TATDN2: variants seen among roughly 807,000 people sequenced by gnomAD.
The protein encoded by TATDN2 is TatD DNase domain containing 2.
Under a neutral mutation model 60.3 loss-of-function variants are expected in TATDN2, and 44 were observed. The ratio of observed to expected loss-of-function variants is 0.73; its 90% CI spans 0.57 to 0.94. The LOEUF (loss-of-function observed/expected upper bound fraction) is 0.94, where lower values mean the gene tolerates loss of function less well. Among genes scored for constraint, TATDN2 ranks in the 40% least tolerant of loss-of-function variants. The pLI is 0.00. For synonymous variants in TATDN2, 399 were observed against 355.8 expected, an observed-to-expected ratio of 1.12 and a Z score of -1.37; for missense variants, 997 against 948.0, an observed-to-expected ratio of 1.05 and a Z score of -0.68.
intron 5 of TATDN2, among the ~76,000 whole-genome samples, chr3:10,277,452 C>T (rs1698655464): frequency 6.6e-6 from 1 of 152,114 alleles, no homozygotes; most frequent in Non-Finnish European, 1.5e-5. Context: ...TTATCATAGC[C>T]CAGCCAGAAG....
intron 5 of TATDN2, 27 bp downstream of exon 5, chr3:10,276,515 A>T (rs375218472): frequency 2.1e-4 from 335 of 1,610,030 alleles, no homozygotes; most frequent in Non-Finnish European, 2.8e-4. Flanking sequence ...TTCAGCGGGC[A>T]AATGAAAGAA....
chr3:10,255,871 G>A (rs913846258), intron 2 of TATDN2, among the ~76,000 whole-genome samples: 9 of 152,214 alleles, frequency 5.9e-5, no homozygotes, highest in African/African-American at 2.2e-4. Flanking sequence ...GAACCTGAGA[G>A]GCGGAGGTTG....
rs535068195 is a variant in TATDN2, at chr3:10,267,988, G to A, written c.949-2143G>A. Among the ~76,000 whole-genome samples the A allele has an allele frequency of 4.6e-5, 7 of 152,276 alleles. No individual in the cohort carries two copies. In the South Asian group the frequency reaches 1.0e-3, roughly 23 times the overall value. ...TTGATGGAAATTTTCTGTTATAACCGAGATAGTTTTTGAAGGATTGTTCTC... is the reference window on the plus strand; with the variant it reads ...TTGATGGAAATTTTCTGTTATAACCAAGATAGTTTTTGAAGGATTGTTCTC... On this transcript the variant is annotated intron_variant, in intron 3 of 7. Coordinates refer to ENST00000448281, the MANE Select transcript of TATDN2 (RefSeq NM_014760.4).
In TATDN2 at chr3:10,278,606, T is replaced by G; in HGVS notation, c.2145+144T>G. The G allele has an allele frequency of 8.5e-7, 1 of 1,181,850 alleles. No homozygotes were observed. Among genetic ancestry groups the G allele is most frequent in the Non-Finnish European group, 1.2e-6 (1 of 805,024 alleles). The allele number at this position is 1,181,850 out of a possible 1,614,324, so 73.2% of individuals were successfully genotyped here. ...TGTGTAGATGCCTCCTTGCTGTTACTCTGCAGAACCAAAAGTCTAGGGGGC... is the reference window on the plus strand; with the variant it reads ...TGTGTAGATGCCTCCTTGCTGTTACGCTGCAGAACCAAAAGTCTAGGGGGC... On this transcript the variant is annotated intron_variant, in intron 6 of 7. Coordinates refer to ENST00000448281, the MANE Select transcript of TATDN2 (RefSeq NM_014760.4). This position sits in a 1 kb window ranked among gnomAD's most constrained non-coding sequence, Gnocchi z 4.7.
At chr3:10,274,664 T>G (rs942922326) in intron 4 of TATDN2, among the ~76,000 whole-genome samples, 1 of 152,210 alleles carries the variant, frequency 6.6e-6, no homozygotes, top group Non-Finnish European at 1.5e-5. Flanking sequence ...TCCAGCCACC[T>G]ATTGATAGTG....
Position 10,260,117 on chromosome 3 carries a change from TTC to T in TATDN2, c.415-18_415-17del, listed in dbSNP as rs1202988005. ...AGTGCCCTTGGAACAGCCCTTTCAA[TTC>T]TGTTTTTTTTTTCCCAGGTTGATTC... On this transcript the variant is annotated intron_variant, in intron 2 of 7. Transcript: ENST00000448281. 2 of 1,591,450 alleles carry T rather than the reference TTC, an allele frequency of 1.3e-6. No homozygotes were observed. Among genetic ancestry groups the T allele is most frequent in the Non-Finnish European group, 1.7e-6 (2 of 1,171,986 alleles).
intron 3 of TATDN2, among the ~76,000 whole-genome samples, chr3:10,262,124 A>G (rs897972879): frequency 1.3e-5 from 2 of 152,142 alleles, no homozygotes; most frequent in African/African-American, 4.8e-5. Flanking sequence ...ATCCTTCTCA[A>G]TACTGTCAAA....
At chr3:10,263,870 A>AAT (rs1698441620) in intron 3 of TATDN2, among the ~76,000 whole-genome samples, 1 of 152,150 alleles carries the variant, frequency 6.6e-6, no homozygotes. Context: ...TGATCGGGAG[A>AAT]ATATAACCCT....
intron 4 of TATDN2, among the ~76,000 whole-genome samples, chr3:10,275,376 A>G (rs1698619662): frequency 2.0e-5 from 3 of 152,356 alleles, no homozygotes; most frequent in Non-Finnish European, 4.4e-5. Context: ...GTGAAGATTT[A>G]AAAGTGGGTA....
intron 3 of TATDN2, 44 bp from the exon 4 acceptor site, chr3:10,270,087 A>G: frequency 1.3e-6 from 2 of 1,560,706 alleles, no homozygotes; most frequent in Non-Finnish European, 1.7e-6. Context: ...GGCCATCTTC[A>G]CATCGGAAGG....
chr3:10,263,897 C>T (rs1698442104), intron 3 of TATDN2, among the ~76,000 whole-genome samples: 1 of 152,180 alleles, frequency 6.6e-6, no homozygotes, highest in Admixed American at 6.5e-5. Flanking sequence ...CTTGCCATGT[C>T]ACTGCTTTTA....
chr3:10,249,651 C>T, intron 2 of TATDN2, 37 bp downstream of exon 2: 10 of 1,492,834 alleles, frequency 6.7e-6, no homozygotes, highest in Non-Finnish European at 8.0e-6. Flanking sequence ...GGTGAAGCCC[C>T]TTCCACATGG....
chr3:10,264,229 G>C (rs77250770), intron 3 of TATDN2, among the ~76,000 whole-genome samples: 2 of 152,212 alleles, frequency 1.3e-5, no homozygotes, highest in African/African-American at 4.8e-5. Context: ...AGTTCCTCCA[G>C]TTCCCAAGGT....
chr3:10,276,544 T>C, intron 5 of TATDN2, 56 bp downstream of exon 5: 2 of 1,586,856 alleles, frequency 1.3e-6, no homozygotes, highest in Non-Finnish European at 1.7e-6. Flanking sequence ...TCTGTCAAGT[T>C]GATGAGGACA....
intron 3 of TATDN2, among the ~76,000 whole-genome samples, chr3:10,264,104 T>C (rs1474625682): frequency 6.6e-6 from 1 of 152,160 alleles, no homozygotes; most frequent in Admixed American, 6.6e-5. Flanking sequence ...TCCTCTTGTT[T>C]TACTGTCTTC....
At chr3:10,260,795 G>A (rs402330) in intron 3 of TATDN2, 125 bp downstream of exon 3, 1,052,744 of 1,123,944 alleles carry the variant, frequency 0.94, 493,479 homozygotes, top group East Asian at 1. Flanking sequence ...GGCCTCCAGG[G>A]AACAAACTGA....
intron 3 of TATDN2, among the ~76,000 whole-genome samples, chr3:10,261,478 C>T (rs1484144438): frequency 1.3e-5 from 2 of 151,472 alleles, no homozygotes; most frequent in African/African-American, 4.9e-5. Context: ...TCAAGCAATT[C>T]TCCTGCCTCA....
At chr3:10,257,294 T>TATATATATATATATATATA (rs376375360) in intron 2 of TATDN2, among the ~76,000 whole-genome samples, 1 of 133,544 alleles carries the variant, frequency 7.5e-6, no homozygotes, top group East Asian at 2.6e-4. Flanking sequence ...CAAAAAAAAA[T>TATATATATATATATATATA]TATATATATA....
At chr3:10,272,385 T>G (rs1576015409) in intron 4 of TATDN2, among the ~76,000 whole-genome samples, 1 of 150,460 alleles carries the variant, frequency 6.6e-6, no homozygotes, top group Non-Finnish European at 1.5e-5. Flanking sequence ...GTGATTCTCC[T>G]GGCTCAGCCT....
Sources: gnomAD v4.1 joint callset for allele counts (sites outside exome capture counted in the v4.1 genomes callset) on GRCh38, gnomAD v4.1.1 for gene constraint, Gnocchi (gnomAD v3.1) non-coding constraint, MANE v1.5 for transcripts, NCBI Gene and HGNC (gene_info 2026-07-23, HGNC 2026-07-21) for gene names.